Variants in SIRPA observed in about 807,000 individuals in gnomAD.
The protein encoded by SIRPA is signal regulatory protein alpha, also known as tyrosine-protein phosphatase non-receptor type substrate 1.
SIRPA carries 9 observed loss-of-function variants against 50.3 expected under a neutral mutation model. The observed-to-expected ratio is 0.18, with a 90% CI of 0.11 to 0.31. The LOEUF (loss-of-function observed/expected upper bound fraction) is 0.31. SIRPA is among the 10% of genes least tolerant of loss of function. SIRPA has a pLI of 1.00. For missense variants in SIRPA, 474 were observed against 661.6 expected (o/e 0.72, Z 3.11); for synonymous variants, 265 against 284.1 (o/e 0.93, Z 0.68).
At chr20:1,919,906 T>G (rs920739128) in intron 2 of SIRPA, among the ~76,000 whole-genome samples, 8 of 152,232 alleles carry the variant, frequency 5.3e-5, no homozygotes, top group African/African-American at 1.9e-4. Context: ...TCTTGGTGTT[T>G]CTGCTCTGCT....
rs1486520423 is a variant in SIRPA, at chr20:1,895,496, C to T, written c.49C>T (p.Leu17=). 8.2e-6 allele frequency: 12 copies of T among 1,461,140 alleles called. No individual in the cohort carries two copies. The Admixed American group carries it at 2.9e-4, about 35-fold the overall frequency. 90.5% of individuals were successfully genotyped at this position (1,461,140 alleles called of 1,614,324 possible). A position where few individuals can be genotyped will look rare whatever the true frequency, so the allele number is the denominator to read the frequency against. ...CGGCCGCCTCGGGCCGCTGCTCTGCCTGCTGCTCGCCGCGTCCTGCGCCTG... is the reference window on the plus strand; with the variant it reads ...CGGCCGCCTCGGGCCGCTGCTCTGCTTGCTGCTCGCCGCGTCCTGCGCCTG... ...APGRLGPLLC[L]LLAASCAWSG... The change falls in exon 1 of 8, where the codon CTG becomes TTG. Residue 17 remains leucine, a synonymous_variant. Transcript: ENST00000358771.
intron 1 of SIRPA, among the ~76,000 whole-genome samples, chr20:1,912,985 G>A (rs1318397952): frequency 6.6e-5 from 10 of 152,336 alleles, no homozygotes; most frequent in South Asian, 2.1e-4. Flanking sequence ...CTCTCAGGCC[G>A]TCTGATGCTG....
At chr20:1,908,499 C>T (rs1984683919) in intron 1 of SIRPA, among the ~76,000 whole-genome samples, 1 of 152,098 alleles carries the variant, frequency 6.6e-6, no homozygotes, top group Non-Finnish European at 1.5e-5. Context: ...ATGCCCACGC[C>T]CATGATCCCT....
chr20:1,900,385 C>T (rs1984116044), intron 1 of SIRPA, among the ~76,000 whole-genome samples: 1 of 152,136 alleles, frequency 6.6e-6, no homozygotes, highest in African/African-American at 2.4e-5. Flanking sequence ...CACCGCACCA[C>T]CCAGCTGTCC....
chr20:1,922,194 A>C (rs1985700922), intron 3 of SIRPA, 119 bp from the exon 4 acceptor site: 10 of 1,255,508 alleles, frequency 8.0e-6, no homozygotes, highest in Admixed American at 4.3e-5. Flanking sequence ...TGAGCACCTG[A>C]TGCCTGCCTA....
chr20:1,894,887 G>A (rs1479183027), upstream of SIRPA: 2 of 147,272 alleles, frequency 1.4e-5, no homozygotes, highest in Admixed American at 6.7e-5. The surrounding 1 kb of genome is among the most constrained non-coding windows in gnomAD (Gnocchi z 4.0). Flanking sequence ...CGGGCTGCCG[G>A]GAGGGCGGGG....
chr20:1,901,893 C>T (rs568914629), intron 1 of SIRPA, among the ~76,000 whole-genome samples: 38 of 152,226 alleles, frequency 2.5e-4, no homozygotes, highest in African/African-American at 6.5e-4. Context: ...CCAGGAGGGA[C>T]GGCTGGAGCA....
intron 1 of SIRPA, among the ~76,000 whole-genome samples, chr20:1,913,306 A>G (rs1985014960): frequency 6.6e-6 from 1 of 152,206 alleles, no homozygotes; most frequent in Admixed American, 6.5e-5. Context: ...AATGGGAGAA[A>G]GAGGCAGGAC....
At position 1,927,201 on chromosome 20, in the gene SIRPA, C is replaced by G. The variant is rs1464573790; in HGVS notation, c.1202-674C>G. The stretch of plus-strand genomic sequence containing the variant: ...AGAGTGCATTTGGGTGTGCATGTTG[C>G]TTTTTAATTACAATTTTACAGCAAA... On this transcript the variant is annotated intron_variant, in intron 5 of 7. Coordinates refer to ENST00000358771, the MANE Select transcript of SIRPA (RefSeq NM_001040023.2). This position sits in a 1 kb window ranked among gnomAD's most constrained non-coding sequence, Gnocchi z 6.5. Among the ~76,000 whole-genome samples, 1 of 152,198 alleles carries G rather than the reference C, an allele frequency of 6.6e-6. No individual in the cohort carries two copies. Among genetic ancestry groups the G allele is most frequent in the African/African-American group, 2.4e-5 (1 of 41,450 alleles).
In SIRPA at chr20:1,938,140, G is replaced by C. The variant is rs1986705461; in HGVS notation, c.*572G>C. On this transcript the variant is annotated 3_prime_UTR_variant, in exon 8 of 8. Coordinates refer to ENST00000358771, the MANE Select transcript of SIRPA (RefSeq NM_001040023.2). ...AGGCTTGGTGAGGTTGCTGCCAACA[G>C]TCCTGGCCTCCCCCATCCCTAGGCT... 1 of 155,660 alleles carries C rather than the reference G, an allele frequency of 6.4e-6. No homozygotes were observed. Among genetic ancestry groups the C allele is most frequent in the South Asian group, 1.9e-4 (1 of 5,374 alleles). The allele number at this position is 155,660 out of a possible 1,614,324, so 9.6% of individuals were successfully genotyped here.
intron 2 of SIRPA, 24 bp downstream of exon 2, chr20:1,915,479 T>G: frequency 6.2e-7 from 1 of 1,612,916 alleles, no homozygotes; most frequent in Non-Finnish European, 8.5e-7. Flanking sequence ...GGGCCTCCTT[T>G]GCCTCTGGTT....
At chr20:1,913,997 C>G (rs1246919312) in intron 1 of SIRPA, among the ~76,000 whole-genome samples, 1 of 152,194 alleles carries the variant, frequency 6.6e-6, no homozygotes, top group African/African-American at 2.4e-5. Flanking sequence ...CATTTGGGAG[C>G]CCTTGAGGCC....
intron 1 of SIRPA, among the ~76,000 whole-genome samples, chr20:1,896,452 G>T (rs147930483): frequency 2.9e-5 from 4 of 138,052 alleles, no homozygotes; most frequent in Admixed American, 2.2e-4. Context: ...GGCACCGGGT[G>T]GGGGGCGGGG....
At chr20:1,906,751 A>G (rs1984575103) in intron 1 of SIRPA, among the ~76,000 whole-genome samples, 1 of 152,098 alleles carries the variant, frequency 6.6e-6, no homozygotes. Flanking sequence ...TGTGGCTGGT[A>G]GAGAGGTGAG....
chr20:1,926,435 G>A (rs146021157), intron 5 of SIRPA, among the ~76,000 whole-genome samples: 226 of 152,334 alleles, frequency 1.5e-3, no homozygotes, highest in African/African-American at 4.5e-3. Flanking sequence ...CCTGGCACAC[G>A]TGAGCTCATT....
chr20:1,915,899 C>G (rs1461522440), intron 2 of SIRPA, among the ~76,000 whole-genome samples: 1 of 152,230 alleles, frequency 6.6e-6, no homozygotes, highest in African/African-American at 2.4e-5. Context: ...GTGTTCTCAT[C>G]CCTTCCAATA....
rs1986667642 is a variant in SIRPA at position 1,937,630 on chromosome 20, C to T, written c.*62C>T. On this transcript the variant is annotated 3_prime_UTR_variant, in exon 8 of 8. Transcript: ENST00000358771. The surrounding 1 kb of genome is among the most constrained non-coding windows in gnomAD (Gnocchi z 8.3). ...CGCTTTCTTGTCCCACAGGGAGCCG[C>T]CGTGATGAGCACAGCCAACCCAGTT... 1 of 1,578,500 alleles carries T rather than the reference C, an allele frequency of 6.3e-7. No homozygotes were observed.
At chr20:1,922,680 A>T (rs778135062) in intron 4 of SIRPA, 35 bp downstream of exon 4, 1 of 1,561,364 alleles carries the variant, frequency 6.4e-7, no homozygotes, top group Non-Finnish European at 8.7e-7. Context: ...CAGCTTTTTT[A>T]AACTTTTAGT....
At chr20:1,912,240 C>T (rs1984934042) in intron 1 of SIRPA, among the ~76,000 whole-genome samples, 1 of 152,224 alleles carries the variant, frequency 6.6e-6, no homozygotes, top group South Asian at 2.1e-4. Flanking sequence ...ATGCTGCACG[C>T]CTGACTCCGC....
Sources: allele counts gnomAD v4.1 joint callset (sites outside exome capture counted in the v4.1 genomes callset), GRCh38; gene constraint gnomAD v4.1.1; non-coding constraint Gnocchi (gnomAD v3.1); transcripts MANE v1.5; gene names NCBI Gene and HGNC (gene_info 2026-07-23, HGNC 2026-07-21).